The following CCDC12 variants were observed in gnomAD, a reference collection of about 807,000 sequenced individuals.
CCDC12 encodes the protein coiled-coil domain-containing protein 12.
CCDC12 carries 28 observed loss-of-function variants against 25.7 expected under a neutral mutation model. The ratio of observed to expected loss-of-function variants is 1.09; its 90% confidence interval spans 0.81 to 1.50. The LOEUF is 1.50. Ranked by LOEUF, CCDC12 falls within the 40% of genes most tolerant of loss-of-function variation. The probability of loss-of-function intolerance (pLI) is 0.00; values close to 1 mark genes in which losing one functional copy is unlikely to be tolerated. For synonymous variants in CCDC12, 75 were observed against 87.7 expected, an observed-to-expected ratio of 0.86 and a Z score of 0.81; for missense variants, 198 against 210.0, an observed-to-expected ratio of 0.94 and a Z score of 0.35.
In CCDC12 at chr3:46,973,053, G is replaced by A. The variant is rs577706938; in HGVS notation, c.96+3584C>T. Among the ~76,000 whole-genome samples, 88 of 147,814 alleles carry A rather than the reference G, an allele frequency of 6.0e-4. 1 individual carries two copies. The highest frequency in any genetic ancestry group is 2.1e-3 in the African/African-American group (85 of 39,904). On this transcript the variant is annotated intron_variant, in intron 1 of 6. Transcript: ENST00000683445. ...CCCTTCTCCTCACCTGACATCACCC[G>A]AATTTAAAAAAAAAAAAAAGGCCCA...
chr3:46,969,839 G>A (rs1392838776), intron 1 of CCDC12, among the ~76,000 whole-genome samples: 3 of 152,018 alleles, frequency 2.0e-5, no homozygotes, highest in Non-Finnish European at 2.9e-5. Context: ...AGGCAATCAC[G>A]AGTCAAGTGT....
intron 1 of CCDC12, among the ~76,000 whole-genome samples, chr3:46,945,935 C>A (rs1559556404): frequency 6.6e-6 from 1 of 152,190 alleles, no homozygotes; most frequent in African/African-American, 2.4e-5. Context: ...TCTCCTCAGA[C>A]TCGGTGTTTC....
rs1477221518 is a variant in CCDC12 at position 46,976,720 on chromosome 3, T to C, written c.13A>G (p.Thr5Ala). 1 of 1,608,596 alleles carries C rather than the reference T, an allele frequency of 6.2e-7. No individual in the cohort carries two copies. The highest frequency in any genetic ancestry group is 8.5e-7 in the Non-Finnish European group (1 of 1,177,562). MEATTAGVGRLEEEA... is the reference protein window; with the variant it reads MEATAAGVGRLEEEA... ...TCCTCTAGCCGGCCCACACCAGCCG[T>C]AGTTGCCTCCATCTTGCCCGCGTAC... Residue 5 changes from threonine (T) to alanine (A), a missense_variant, in exon 1 of 7, where the codon ACG becomes GCG. By Grantham distance (58) the Thr-to-Ala change is moderately conservative (BLOSUM62 0). Transcript: ENST00000683445.
intron 2 of CCDC12, among the ~76,000 whole-genome samples, chr3:46,927,792 C>T (rs970971994): frequency 6.6e-5 from 10 of 152,242 alleles, no homozygotes; most frequent in Non-Finnish European, 1.3e-4. Flanking sequence ...TGTGCAGCCA[C>T]TGTTGTGTGA....
At chr3:46,976,128 G>A (rs995660009) in intron 1 of CCDC12, 27 of 186,790 alleles carry the variant, frequency 1.4e-4, no homozygotes, top group Admixed American at 8.3e-4. Context: ...TTACAGGCGT[G>A]AGCCACCGTG....
chr3:46,922,377 T>TC (rs1261377378), intron 5 of CCDC12, 65 bp from the exon 6 acceptor site: 4 of 1,565,890 alleles, frequency 2.6e-6, no homozygotes, highest in Middle Eastern at 3.3e-4. Flanking sequence ...TTGGGTCCCC[T>TC]CCCCTCTTGC....
chr3:46,957,996 C>CATAT (rs1553650352), intron 1 of CCDC12, among the ~76,000 whole-genome samples: 52 of 142,684 alleles, frequency 3.6e-4, no homozygotes, highest in African/African-American at 1.3e-3. Context: ...CACACACACA[C>CATAT]ATATATATGT....
intron 1 of CCDC12, among the ~76,000 whole-genome samples, chr3:46,956,235 TAGC>T (rs1190655373): frequency 8.5e-5 from 13 of 152,186 alleles, no homozygotes; most frequent in African/African-American, 1.4e-4. Flanking sequence ...GAGGATAAAC[TAGC>T]AGCAGCCCAG....
At chr3:46,960,226 C>A (rs1370464764) in intron 1 of CCDC12, among the ~76,000 whole-genome samples, 1 of 152,140 alleles carries the variant, frequency 6.6e-6, no homozygotes, top group East Asian at 1.9e-4. Context: ...CACCCAGGCT[C>A]TGTGCACAGA....
intron 1 of CCDC12, among the ~76,000 whole-genome samples, chr3:46,943,978 C>G (rs1345990221): frequency 6.6e-6 from 1 of 152,174 alleles, no homozygotes; most frequent in Non-Finnish European, 1.5e-5. Context: ...TGGGCATTCA[C>G]GGGAAGGAAA....
chr3:46,949,572 C>T (rs574302271), intron 1 of CCDC12, among the ~76,000 whole-genome samples: 9 of 152,316 alleles, frequency 5.9e-5, no homozygotes, highest in African/African-American at 2.2e-4. Flanking sequence ...GTGGTGGGAA[C>T]ATCAGGACAC....
chr3:46,978,743 G>A (rs1280908396), upstream of CCDC12, among the ~76,000 whole-genome samples: 2 of 152,106 alleles, frequency 1.3e-5, no homozygotes, highest in South Asian at 4.1e-4. Flanking sequence ...CAGCACTTTG[G>A]GAGGTCGAGG....
At chr3:46,981,015 G>A (rs2035292572), upstream of CCDC12, among the ~76,000 whole-genome samples, 1 of 152,224 alleles carries the variant, frequency 6.6e-6, no homozygotes, top group African/African-American at 2.4e-5. Flanking sequence ...AGGCCAGAAG[G>A]ACCACAGCCT....
chr3:46,954,033 A>G (rs897878593), intron 1 of CCDC12, among the ~76,000 whole-genome samples: 1 of 152,212 alleles, frequency 6.6e-6, no homozygotes, highest in Admixed American at 6.5e-5. Flanking sequence ...AGGTCCATGC[A>G]GATTGGAAGA....
intron 2 of CCDC12, among the ~76,000 whole-genome samples, chr3:46,929,629 G>A (rs375154988): frequency 6.6e-6 from 1 of 152,206 alleles, no homozygotes; most frequent in Non-Finnish European, 1.5e-5. Context: ...TTAGAATGAG[G>A]AAGTTGCTAA....
At chr3:46,946,745 CTG>C (rs1222674811) in intron 1 of CCDC12, among the ~76,000 whole-genome samples, 2 of 152,204 alleles carry the variant, frequency 1.3e-5, no homozygotes, top group Non-Finnish European at 2.9e-5. Context: ...CAGCCTGCTG[CTG>C]TCTGTGTGTC....
chr3:46,945,363 C>T (rs2033863612), intron 1 of CCDC12, among the ~76,000 whole-genome samples: 1 of 152,234 alleles, frequency 6.6e-6, no homozygotes, highest in Non-Finnish European at 1.5e-5. Flanking sequence ...GCCTATCTGC[C>T]TATTAATGGA....
At chr3:46,940,218 C>T (rs1205824731) in intron 2 of CCDC12, among the ~76,000 whole-genome samples, 1 of 152,190 alleles carries the variant, frequency 6.6e-6, no homozygotes, top group Non-Finnish European at 1.5e-5. Context: ...GCAACAGTTT[C>T]CAGGCTCCAG....
At chr3:46,963,856 G>A (rs1236816114) in intron 1 of CCDC12, among the ~76,000 whole-genome samples, 2 of 152,266 alleles carry the variant, frequency 1.3e-5, no homozygotes, top group African/African-American at 4.8e-5. Flanking sequence ...TGCCGAGATT[G>A]CAGCCTCTGC....
Sources: allele counts gnomAD v4.1 joint callset (sites outside exome capture counted in the v4.1 genomes callset), GRCh38; gene constraint gnomAD v4.1.1; transcripts MANE v1.5; gene names NCBI Gene and HGNC (gene_info 2026-07-23, HGNC 2026-07-21).